Variants in GALNT9 observed in about 807,000 individuals in gnomAD.
GALNT9 encodes the protein polypeptide N-acetylgalactosaminyltransferase 9.
GALNT9 carries 47 observed loss-of-function variants against 63.1 expected under a neutral mutation model. The ratio of observed to expected loss-of-function variants is 0.75; its 90% CI spans 0.59 to 0.95. The LOEUF (loss-of-function observed/expected upper bound fraction) is 0.95, where lower values mean the gene tolerates loss of function less well. Ranked by LOEUF, GALNT9 falls within the 40% of genes least tolerant of loss-of-function variation. The pLI is 0.00. For missense variants in GALNT9, 829 were observed against 874.8 expected (o/e 0.95, Z 0.66); for synonymous variants, 396 against 365.7 (o/e 1.08, Z -0.94).
chr12:132,239,016 T>G (rs1259094235), intron 6 of GALNT9, among the ~76,000 whole-genome samples: 1 of 152,160 alleles, frequency 6.6e-6, no homozygotes, highest in Non-Finnish European at 1.5e-5. Context: ...GGTGAGACTG[T>G]TCAGCATCAG....
chr12:132,324,143 AAAATGGAAACGCTTACGCAGAGCAG>A (rs1868925635), intron 1 of GALNT9, among the ~76,000 whole-genome samples: 2 of 152,354 alleles, frequency 1.3e-5, no homozygotes, highest in East Asian at 1.9e-4. Context: ...AAGCGTTTCC[AAAATGGAAACGCTTACGCAGAGCAG>A]AGCAGACGCT....
chr12:132,305,202 T>G (rs200814175), intron 1 of GALNT9, among the ~76,000 whole-genome samples: 1 of 7,180 alleles, frequency 1.4e-4, no homozygotes, highest in African/African-American at 7.0e-4. Context: ...GACACACCCT[T>G]GCCCGGGCAC....
intron 2 of GALNT9, among the ~76,000 whole-genome samples, chr12:132,269,407 G>A (rs1879782129): frequency 1.3e-5 from 2 of 152,358 alleles, no homozygotes; most frequent in South Asian, 4.1e-4. Flanking sequence ...GGAAGGGGCA[G>A]GAGGTCAGCA....
At chr12:132,204,567 A>C (rs1462052819) in intron 6 of GALNT9, among the ~76,000 whole-genome samples, 1 of 151,670 alleles carries the variant, frequency 6.6e-6, no homozygotes, top group African/African-American at 2.4e-5. Flanking sequence ...AGCTCACGCC[A>C]CCGGCTCTCC....
At chr12:132,204,535 C>T (rs1876502205) in intron 6 of GALNT9, among the ~76,000 whole-genome samples, 1 of 152,130 alleles carries the variant, frequency 6.6e-6, no homozygotes, top group Non-Finnish European at 1.5e-5. Flanking sequence ...GGACGTGGGT[C>T]CTCCCCTGCC....
At chr12:132,255,142 C>T (rs73469816) in intron 5 of GALNT9, among the ~76,000 whole-genome samples, 2,552 of 152,282 alleles carry the variant, frequency 0.017, 69 homozygotes, top group African/African-American at 0.057. Flanking sequence ...CCCAGGAAAA[C>T]GAGCTCAGGT....
intron 2 of GALNT9, among the ~76,000 whole-genome samples, chr12:132,269,358 C>A (rs1593095679): frequency 6.6e-6 from 1 of 152,210 alleles, no homozygotes; most frequent in Non-Finnish European, 1.5e-5. Flanking sequence ...CCAGTGGCTG[C>A]GAGCTTTTCC....
chr12:132,301,807 A>G (rs1443469516), intron 1 of GALNT9, among the ~76,000 whole-genome samples: 2 of 152,226 alleles, frequency 1.3e-5, no homozygotes, highest in African/African-American at 4.8e-5. Context: ...GGCACGGAAC[A>G]TTTGTGTGCC....
intron 1 of GALNT9, among the ~76,000 whole-genome samples, chr12:132,288,199 C>T (rs1880677399): frequency 6.6e-6 from 1 of 152,158 alleles, no homozygotes; most frequent in Non-Finnish European, 1.5e-5. Context: ...AGTCTGTGAC[C>T]CTCCGCCCCC....
chr12:132,225,703 ACTGTACGT>A (rs1877645390), intron 6 of GALNT9, among the ~76,000 whole-genome samples: 11 of 139,526 alleles, frequency 7.9e-5, no homozygotes, highest in Admixed American at 2.9e-4. Context: ...CCATACACAC[ACTGTACGT>A]ACACACCCCA....
chr12:132,197,981 C>G (rs547121928), intron 9 of GALNT9, 22 bp from the exon 10 acceptor site: 1 of 1,592,804 alleles, frequency 6.3e-7, no homozygotes, highest in South Asian at 1.1e-5. Flanking sequence ...ACCACCGGGA[C>G]TGTGTGTGAG....
intron 1 of GALNT9, among the ~76,000 whole-genome samples, chr12:132,297,921 G>C (rs539660864): frequency 4.2e-5 from 6 of 144,218 alleles, no homozygotes; most frequent in African/African-American, 1.5e-4. Context: ...CTCACTCCTA[G>C]ACAACCAAGC....
chr12:132,240,619 G>T (rs2136898895), intron 6 of GALNT9: 6 of 454,850 alleles, frequency 1.3e-5, no homozygotes, highest in Middle Eastern at 3.3e-4. Flanking sequence ...CCCGGGGCTC[G>T]GCTGTGCTCT....
At chr12:132,298,987 G>A (rs1422847521) in intron 1 of GALNT9, among the ~76,000 whole-genome samples, 4 of 92,916 alleles carry the variant, frequency 4.3e-5, no homozygotes, top group Middle Eastern at 9.8e-3. Flanking sequence ...TAACCCACTC[G>A]GACCACACCT....
Position 132,196,522 on chromosome 12 carries a change from CTCTT to C in GALNT9, c.*581_*584del, listed in dbSNP as rs1293672927. 11 of 975,770 alleles carry C rather than the reference CTCTT, an allele frequency of 1.1e-5. No individual in the cohort carries two copies. Among genetic ancestry groups the C allele is most frequent in the African/African-American group, 1.8e-5 (1 of 56,656 alleles). The allele number at this position is 975,770 out of a possible 1,614,324, so 60.4% of individuals were successfully genotyped here. On this transcript the variant is annotated 3_prime_UTR_variant, in exon 11 of 11. Transcript: ENST00000328957. ...ACACACAGTGCTGCTGCCTAATCCT[CTCTT>C]TATTTGGTCTCTGCTGAAGCAGTCG...
rs142768135 is a variant in GALNT9 at position 132,266,099 on chromosome 12, G to A, written c.420-3474C>T. Among the ~76,000 whole-genome samples, 1,335 of 143,014 alleles carry A rather than the reference G, an allele frequency of 9.3e-3. 39 individuals carry two copies. The highest frequency in any genetic ancestry group is 0.034 in the African/African-American group (1,204 of 35,108). 93.8% of individuals were successfully genotyped at this position (143,014 alleles called of 152,430 possible). A position where few individuals can be genotyped will look rare whatever the true frequency, so the allele number is the denominator to read the frequency against. ...CTGCCTTTACACGCCCGATCTCGCC[G>A]TATTTCATGAACAGGCACGCACAGC... On this transcript the variant is annotated intron_variant, in intron 2 of 10. Transcript: ENST00000328957.
Position 132,214,499 on chromosome 12 carries a change from C to T in GALNT9, c.1078-10809G>A, listed in dbSNP as rs560500720. On this transcript the variant is annotated intron_variant, in intron 6 of 10. Transcript: ENST00000328957. Reference sequence around the variant, plus strand: ...AGAGTCCACGCCCCACCAGCCAACGCGAATCCACAGCCCACTGCCTCTGTC... The same window carrying T: ...AGAGTCCACGCCCCACCAGCCAACGTGAATCCACAGCCCACTGCCTCTGTC... Among the ~76,000 whole-genome samples, 11 of 152,326 alleles carry T rather than the reference C, an allele frequency of 7.2e-5. No individual in the cohort carries two copies. In the Middle Eastern group the frequency reaches 0.017, roughly 236 times the overall value.
At chr12:132,205,186 A>G (rs1876581275) in intron 6 of GALNT9, among the ~76,000 whole-genome samples, 1 of 149,710 alleles carries the variant, frequency 6.7e-6, no homozygotes, top group African/African-American at 2.5e-5. Flanking sequence ...AGAGGGCCAC[A>G]CTCACACGTC....
intron 1 of GALNT9, among the ~76,000 whole-genome samples, chr12:132,301,568 G>A (rs1396802204): frequency 1.3e-5 from 2 of 152,244 alleles, no homozygotes; most frequent in Non-Finnish European, 2.9e-5. Flanking sequence ...GGATGGCTGT[G>A]CGAACATTCA....
Sources: allele counts gnomAD v4.1 joint callset (sites outside exome capture counted in the v4.1 genomes callset), GRCh38; gene constraint gnomAD v4.1.1; transcripts MANE v1.5; gene names NCBI Gene and HGNC (gene_info 2026-07-23, HGNC 2026-07-21).